INPP4B: variants seen among roughly 807,000 people sequenced by gnomAD.
INPP4B encodes inositol polyphosphate-4-phosphatase type II B, also known as inositol polyphosphate 4-phosphatase type II.
A neutral mutation model predicts 122.5 loss-of-function variants in INPP4B; 55 were observed. That is an observed-to-expected ratio of 0.45 (90% CI 0.36 to 0.56). The LOEUF (loss-of-function observed/expected upper bound fraction) is 0.56, where lower values mean the gene tolerates loss of function less well. Among genes scored for constraint, INPP4B ranks in the 20% least tolerant of loss-of-function variants. The probability of loss-of-function intolerance (pLI) is 0.00; values close to 1 mark genes in which losing one functional copy is unlikely to be tolerated. For synonymous variants in INPP4B, 403 were observed against 388.7 expected, an observed-to-expected ratio of 1.04 and a Z score of -0.43; for missense variants, 1,000 against 1,097.7, an observed-to-expected ratio of 0.91 and a Z score of 1.26.
chr4:142,079,392 G>T (rs978100490), intron 25 of INPP4B, among the ~76,000 whole-genome samples: 7 of 151,958 alleles, frequency 4.6e-5, no homozygotes, highest in Non-Finnish European at 4.4e-5. Context: ...TGTCTGAAGG[G>T]TGGGACTTGC....
At chr4:142,154,249 C>G (rs1815980533) in intron 17 of INPP4B, among the ~76,000 whole-genome samples, 1 of 151,908 alleles carries the variant, frequency 6.6e-6, no homozygotes, top group African/African-American at 2.4e-5. Flanking sequence ...GACAACTAGT[C>G]ACTTTCAATT....
At chr4:142,429,615 C>G (rs1315507455) in intron 4 of INPP4B, among the ~76,000 whole-genome samples, 2 of 152,124 alleles carry the variant, frequency 1.3e-5, no homozygotes, top group East Asian at 3.9e-4. Context: ...CCACTCTAAC[C>G]TGCTGTAAAC....
At chr4:142,795,712 A>T (rs1426118961) in intron 1 of INPP4B, 1 of 151,998 alleles carries the variant, frequency 6.6e-6, no homozygotes, top group Non-Finnish European at 1.5e-5. Context: ...ATATCATTGT[A>T]TCTATTTTAC....
intron 7 of INPP4B, among the ~76,000 whole-genome samples, chr4:142,355,686 A>T (rs377159895): frequency 2.2e-4 from 33 of 152,160 alleles, no homozygotes; most frequent in African/African-American, 7.7e-4. Context: ...GAGAATCTTT[A>T]TATAACAACA....
chr4:142,162,262 AAAAAG>A (rs1403624360), intron 16 of INPP4B, among the ~76,000 whole-genome samples: 1 of 151,562 alleles, frequency 6.6e-6, no homozygotes, highest in African/African-American at 2.4e-5. Flanking sequence ...GATAGGCAAA[AAAAAG>A]AAGTGTTCAC....
chr4:142,031,781 C>T (rs1740355005), intron 25 of INPP4B, among the ~76,000 whole-genome samples: 1 of 152,102 alleles, frequency 6.6e-6, no homozygotes, highest in Non-Finnish European at 1.5e-5. Context: ...CTTCAAATCC[C>T]TAATTGTTAA....
At chr4:142,181,757 T>C (rs982423805) in intron 15 of INPP4B, among the ~76,000 whole-genome samples, 1 of 152,128 alleles carries the variant, frequency 6.6e-6, no homozygotes, top group Admixed American at 6.5e-5. Flanking sequence ...AAAAGTGGTG[T>C]TCCTTAAGTG....
intron 2 of INPP4B, among the ~76,000 whole-genome samples, chr4:142,652,110 T>C (rs553089873): frequency 1.1e-4 from 16 of 152,182 alleles, no homozygotes; most frequent in African/African-American, 3.9e-4. Context: ...ACAGAACCAA[T>C]GACAAAAGCC....
chr4:142,059,039 G>C (rs1759209001), intron 25 of INPP4B, among the ~76,000 whole-genome samples: 1 of 152,098 alleles, frequency 6.6e-6, no homozygotes, highest in Non-Finnish European at 1.5e-5. Flanking sequence ...GGAGATAAGG[G>C]CTTATAAACC....
intron 1 of INPP4B, chr4:142,767,628 T>A (rs1413492253): frequency 2.6e-5 from 4 of 152,152 alleles, no homozygotes; most frequent in Non-Finnish European, 4.4e-5. Flanking sequence ...CATGACAAGA[T>A]CTTGGATGCA....
At chr4:142,429,473 G>C (rs1190544782) in intron 4 of INPP4B, among the ~76,000 whole-genome samples, 1 of 151,956 alleles carries the variant, frequency 6.6e-6, no homozygotes, top group African/African-American at 2.4e-5. Context: ...AAATGTTTTT[G>C]TAAGCCATGG....
chr4:142,355,034 A>C (rs970879510), intron 7 of INPP4B, among the ~76,000 whole-genome samples: 1 of 151,930 alleles, frequency 6.6e-6, no homozygotes, highest in African/African-American at 2.4e-5. Context: ...CTAGGGCCTC[A>C]GTAGGATGAC....
intron 15 of INPP4B, among the ~76,000 whole-genome samples, chr4:142,178,274 C>T (rs1016563128): frequency 1.3e-5 from 2 of 152,144 alleles, no homozygotes; most frequent in Admixed American, 1.3e-4. Context: ...AATCCAACCA[C>T]TTATTTCTAC....
At chr4:142,152,753 C>G (rs1814946675) in intron 17 of INPP4B, among the ~76,000 whole-genome samples, 1 of 152,150 alleles carries the variant, frequency 6.6e-6, no homozygotes, top group Non-Finnish European at 1.5e-5. Context: ...TGCCACCACA[C>G]TTGGCTTGGC....
intron 2 of INPP4B, among the ~76,000 whole-genome samples, chr4:142,571,167 C>T (rs1242945732): frequency 6.6e-6 from 1 of 151,750 alleles, no homozygotes; most frequent in Non-Finnish European, 1.5e-5. Context: ...TTGGCACCCC[C>T]AGAAAAGCTT....
At chr4:142,741,301 C>A (rs115679185) in intron 1 of INPP4B, among the ~76,000 whole-genome samples, 2 of 151,888 alleles carry the variant, frequency 1.3e-5, no homozygotes, top group African/African-American at 2.4e-5. Flanking sequence ...AGGGAGTAGA[C>A]ACATCACATG....
chr4:142,677,639 A>G (rs925428964), intron 2 of INPP4B, among the ~76,000 whole-genome samples: 3 of 152,306 alleles, frequency 2.0e-5, no homozygotes, highest in African/African-American at 7.2e-5. Flanking sequence ...TGGCACATAT[A>G]CACCATGGAA....
chr4:142,187,437 C>T (rs1833642516), intron 15 of INPP4B, among the ~76,000 whole-genome samples: 2 of 151,894 alleles, frequency 1.3e-5, no homozygotes, highest in South Asian at 2.1e-4. Flanking sequence ...GGAATGACTT[C>T]CAACGAAACA....
chr4:142,394,638 A>C (rs1798779080), intron 7 of INPP4B, among the ~76,000 whole-genome samples: 1 of 152,138 alleles, frequency 6.6e-6, no homozygotes, highest in Non-Finnish European at 1.5e-5. Context: ...ATGTTTATGC[A>C]GGTCCTTTGC....
Sources: gnomAD v4.1 joint callset for allele counts (sites outside exome capture counted in the v4.1 genomes callset) on GRCh38, gnomAD v4.1.1 for gene constraint, MANE v1.5 for transcripts, NCBI Gene and HGNC (gene_info 2026-07-23, HGNC 2026-07-21) for gene names.